Variants in DPT observed in about 807,000 individuals in gnomAD.
DPT encodes the protein dermatopontin.
A neutral mutation model predicts 31.2 loss-of-function variants in DPT; 21 were observed. The ratio of observed to expected loss-of-function variants is 0.67; its 90% CI spans 0.48 to 0.97. DPT has a LOEUF of 0.97. Among genes scored for constraint, DPT ranks in the 50% least tolerant of loss-of-function variants. The pLI is 0.00. For synonymous variants in DPT, 91 were observed against 86.9 expected (o/e 1.05, Z -0.26); for missense variants, 262 against 258.8 (o/e 1.01, Z -0.08).
At chr1:168,699,702 A>T (rs1173636094) in intron 3 of DPT, among the ~76,000 whole-genome samples, 1 of 152,100 alleles carries the variant, frequency 6.6e-6, no homozygotes, top group African/African-American at 2.4e-5. Context: ...GTCACACTCA[A>T]ATTCATCATA....
chr1:168,716,767 A>G (rs1649995954), intron 1 of DPT, among the ~76,000 whole-genome samples: 1 of 152,084 alleles, frequency 6.6e-6, no homozygotes, highest in Admixed American at 6.5e-5. Context: ...ATGTGTTCTC[A>G]TTGTTCAACT....
At chr1:168,712,983 C>T (rs1416081638) in intron 2 of DPT, among the ~76,000 whole-genome samples, 4 of 151,736 alleles carry the variant, frequency 2.6e-5, no homozygotes, top group Non-Finnish European at 1.5e-5. Flanking sequence ...CTTGAGCCTG[C>T]AGAGTTATGA....
intron 2 of DPT, among the ~76,000 whole-genome samples, chr1:168,711,188 T>G (rs1449584530): frequency 2.0e-5 from 3 of 151,644 alleles, no homozygotes; most frequent in Non-Finnish European, 2.9e-5. Flanking sequence ...TTTTTTTTTT[T>G]TTTTGTATTT....
intron 1 of DPT, among the ~76,000 whole-genome samples, chr1:168,722,991 T>G (rs768516514): frequency 3.3e-5 from 5 of 152,138 alleles, no homozygotes; most frequent in Non-Finnish European, 7.4e-5. Context: ...TTGCCATCCT[T>G]ACAAGAGCAG....
At chr1:168,728,443 T>C (rs769434597) in intron 1 of DPT, among the ~76,000 whole-genome samples, 5 of 152,326 alleles carry the variant, frequency 3.3e-5, no homozygotes, top group Non-Finnish European at 7.4e-5. Context: ...CCAGTACTTT[T>C]GTAAAATGGT....
At chr1:168,708,679 T>C (rs1278327775) in intron 2 of DPT, among the ~76,000 whole-genome samples, 1 of 152,184 alleles carries the variant, frequency 6.6e-6, no homozygotes, top group Admixed American at 6.5e-5. Flanking sequence ...TAACTAACAT[T>C]AGGAGATATA....
intron 2 of DPT, among the ~76,000 whole-genome samples, chr1:168,713,756 T>C (rs1171666256): frequency 6.6e-6 from 1 of 152,106 alleles, no homozygotes; most frequent in Non-Finnish European, 1.5e-5. Context: ...ATATTTTATT[T>C]TTTCTGTCTA....
Position 168,695,791 on chromosome 1 carries a change from A to G in DPT, c.*758T>C, listed in dbSNP as rs1021113399. On this transcript the variant is annotated 3_prime_UTR_variant, in exon 4 of 4. Transcript: ENST00000367817. Reference sequence around the variant, plus strand: ...TCACTCTCATCCCCACAAGTTCCCAATCTGAATCCCATTCTCTGACCATTC... The same window carrying G: ...TCACTCTCATCCCCACAAGTTCCCAGTCTGAATCCCATTCTCTGACCATTC... 6.1e-6 allele frequency: 1 copy of G among 164,218 alleles called. No individual in the cohort carries two copies. The highest frequency in any genetic ancestry group is 1.3e-5 in the Non-Finnish European group (1 of 76,054). The allele number at this position is 164,218 out of a possible 1,614,324, so 10.2% of individuals were successfully genotyped here.
intron 1 of DPT, among the ~76,000 whole-genome samples, chr1:168,719,212 T>C (rs1463750168): frequency 6.6e-6 from 1 of 152,196 alleles, no homozygotes; most frequent in Non-Finnish European, 1.5e-5. Flanking sequence ...GGATCTTGGG[T>C]GAGCAATCCC....
chr1:168,718,033 G>A (rs1650023524), intron 1 of DPT, among the ~76,000 whole-genome samples: 1 of 152,208 alleles, frequency 6.6e-6, no homozygotes, highest in South Asian at 2.1e-4. Flanking sequence ...TCCAAAAAGA[G>A]AAGGTTGCCA....
intron 1 of DPT, among the ~76,000 whole-genome samples, chr1:168,723,408 C>T (rs1379245037): frequency 6.6e-6 from 1 of 152,210 alleles, no homozygotes; most frequent in Non-Finnish European, 1.5e-5. Context: ...TTATTCATCT[C>T]CATCTTCCTG....
intron 1 of DPT, among the ~76,000 whole-genome samples, chr1:168,726,263 C>T (rs1356743716): frequency 6.6e-6 from 1 of 152,306 alleles, no homozygotes; most frequent in South Asian, 2.1e-4. Flanking sequence ...TCCCTTGACT[C>T]CCATGGGCCA....
chr1:168,713,984 G>A (rs770661799), intron 2 of DPT, among the ~76,000 whole-genome samples: 1 of 152,172 alleles, frequency 6.6e-6, no homozygotes, highest in Non-Finnish European at 1.5e-5. Flanking sequence ...GCCAGTCAGT[G>A]CCGGCTCTAT....
chr1:168,714,156 G>C, intron 2 of DPT, 65 bp downstream of exon 2: 1 of 1,607,892 alleles, frequency 6.2e-7, no homozygotes, highest in Non-Finnish European at 8.5e-7. Flanking sequence ...CCTGAAGCTA[G>C]AGCACTTCCT....
chr1:168,697,880 C>T (rs1649499216), intron 3 of DPT, among the ~76,000 whole-genome samples: 1 of 152,144 alleles, frequency 6.6e-6, no homozygotes, highest in Admixed American at 6.5e-5. Context: ...TCTCTTAAAC[C>T]ACACAGTCTG....
At position 168,695,989 on chromosome 1, in the gene DPT, A is replaced by G. The variant is rs926190880; in HGVS notation, c.*560T>C. On this transcript the variant is annotated 3_prime_UTR_variant, in exon 4 of 4. Coordinates refer to ENST00000367817, the MANE Select transcript of DPT (RefSeq NM_001937.5). Reference sequence around the variant, plus strand: ...CTTCCATTTCCCCATTTCACCTCCCAGTCTCCTCACTCCTGGAGCAAAGAG... The same window carrying G: ...CTTCCATTTCCCCATTTCACCTCCCGGTCTCCTCACTCCTGGAGCAAAGAG... 1 of 391,194 alleles carries G rather than the reference A, an allele frequency of 2.6e-6. No individual in the cohort carries two copies. Among genetic ancestry groups the G allele is most frequent in the Non-Finnish European group, 4.5e-6 (1 of 221,914 alleles). The allele number at this position is 391,194 out of a possible 1,614,324, so 24.2% of individuals were successfully genotyped here. A position where few individuals can be genotyped will look rare whatever the true frequency, so the allele number is the denominator to read the frequency against.
rs112202852 is a variant in DPT, at chr1:168,714,153, C to T, written c.431+68G>A. ...GTGTGACCCTCAAGCTTACCTGAAG[C>T]TAGAGCACTTCCTAGGTGCCTCTCC... On this transcript the variant is annotated intron_variant, in intron 2 of 3. Coordinates refer to ENST00000367817, the MANE Select transcript of DPT (RefSeq NM_001937.5). 4.1e-5 allele frequency: 66 copies of T among 1,606,632 alleles called. 1 individual carries two copies. In the African/African-American group the frequency reaches 5.6e-4, roughly 14 times the overall value.
intron 1 of DPT, among the ~76,000 whole-genome samples, chr1:168,723,311 C>T (rs12749351): frequency 0.33 from 50,404 of 152,206 alleles, 8,835 homozygotes; most frequent in Middle Eastern, 0.38. Context: ...GGGCAACCTC[C>T]TCATGTGTGA....
At position 168,696,257 on chromosome 1, in the gene DPT, G is replaced by A. The variant is rs558505729; in HGVS notation, c.*292C>T. ...GCTGCAGCTGGTGCTCCAGAAGCCC[G>A]GCTGTAAGCATGCGCACTGTATATG... is the stretch of plus-strand genomic sequence containing the variant. On this transcript the variant is annotated 3_prime_UTR_variant, in exon 4 of 4. Transcript: ENST00000367817. 4.2e-5 allele frequency: 18 copies of A among 430,174 alleles called. No homozygotes were observed. In the South Asian group the frequency reaches 4.8e-4, roughly 12 times the overall value. 26.6% of individuals were successfully genotyped at this position (430,174 alleles called of 1,614,324 possible). A position where few individuals can be genotyped will look rare whatever the true frequency, so the allele number is the denominator to read the frequency against.
Sources: gnomAD v4.1 joint callset for allele counts (sites outside exome capture counted in the v4.1 genomes callset) on GRCh38, gnomAD v4.1.1 for gene constraint, MANE v1.5 for transcripts, NCBI Gene and HGNC (gene_info 2026-07-23, HGNC 2026-07-21) for gene names.